The following FSTL3 variants were observed in gnomAD, a reference collection of about 807,000 sequenced individuals.
The protein encoded by FSTL3 is follistatin like 3, also known as follistatin-related protein 3.
In FSTL3, 21 loss-of-function variants were observed where a neutral mutation model predicts 28.1. The observed-to-expected ratio is 0.75, with a 90% CI of 0.53 to 1.08. FSTL3 has a LOEUF of 1.08. Among genes scored for constraint, FSTL3 ranks in the 50% least tolerant of loss-of-function variants. FSTL3 has a pLI of 0.00. For missense variants in FSTL3, 400 were observed against 380.9 expected (o/e 1.05, Z -0.42); for synonymous variants, 199 against 164.2 (o/e 1.21, Z -1.62).
chr19:676,988 G>T (rs1196783633), intron 1 of FSTL3, among the ~76,000 whole-genome samples: 1 of 152,150 alleles, frequency 6.6e-6, no homozygotes, highest in Non-Finnish European at 1.5e-5. Context: ...GGGGCATGGA[G>T]TCTCACACCT....
At chr19:679,738 G>A (rs926659173) in intron 2 of FSTL3, among the ~76,000 whole-genome samples, 5 of 152,140 alleles carry the variant, frequency 3.3e-5, no homozygotes, top group African/African-American at 1.2e-4. Context: ...AGAGGCCTAG[G>A]GCTGTGGGGG....
Position 680,471 on chromosome 19 carries a change from T to A in FSTL3, c.487T>A (p.Tyr163Asn). Residue 163 changes from tyrosine to asparagine, a missense_variant, in exon 3 of 5, where the codon TAC (tyrosine) becomes AAC (asparagine). Coordinates refer to ENST00000166139, the MANE Select transcript of FSTL3 (RefSeq NM_005860.3). The part of the protein sequence containing the change: ...CRGHPDLSVM[Y>N]RGRCRKSCEH... ...CGGCCACCCGGACCTGAGCGTCATG[T>A]ACCGGGGCCGCTGCCGCAGTACGTG... is the stretch of plus-strand genomic sequence containing the variant. The A allele has an allele frequency of 4.0e-6, 5 of 1,251,718 alleles. No individual in the cohort carries two copies. Among genetic ancestry groups the A allele is most frequent in the Non-Finnish European group, 5.0e-6 (5 of 998,466 alleles). The allele number at this position is 1,251,718 out of a possible 1,614,324, so 77.5% of individuals were successfully genotyped here.
At chr19:676,796 T>C (rs940876557) in intron 1 of FSTL3, among the ~76,000 whole-genome samples, 1 of 152,082 alleles carries the variant, frequency 6.6e-6, no homozygotes, top group Non-Finnish European at 1.5e-5. Context: ...GTGCCGGAGC[T>C]CTCTTCATCT....
Position 683,364 on chromosome 19 carries a change from C to T in FSTL3, c.*1656C>T. The T allele has an allele frequency of 5.8e-6, 1 of 171,728 alleles. No individual in the cohort carries two copies. Among genetic ancestry groups the T allele is most frequent in the Non-Finnish European group, 1.1e-5 (1 of 89,972 alleles). The allele number at this position is 171,728 out of a possible 1,614,324, so 10.6% of individuals were successfully genotyped here. A position where few individuals can be genotyped will look rare whatever the true frequency, so the allele number is the denominator to read the frequency against. ...CCCACCCCACCCTGGGGCCCTGCCT[C>T]ACCAAGGAAATAAAGACTCAAGCCA... On this transcript the variant is annotated 3_prime_UTR_variant, in exon 5 of 5. Coordinates refer to ENST00000166139, the MANE Select transcript of FSTL3 (RefSeq NM_005860.3).
In FSTL3 at chr19:680,475, G is replaced by A. The variant is rs906806787; in HGVS notation, c.491G>A (p.Arg164Gln). The A allele has an allele frequency of 5.6e-6, 7 of 1,250,678 alleles. No individual in the cohort carries two copies. The highest frequency in any genetic ancestry group is 6.1e-4 in the Middle Eastern group (2 of 3,276). The allele number at this position is 1,250,678 out of a possible 1,614,324, so 77.5% of individuals were successfully genotyped here. A position where few individuals can be genotyped will look rare whatever the true frequency, so the allele number is the denominator to read the frequency against. ...CACCCGGACCTGAGCGTCATGTACCGGGGCCGCTGCCGCAGTACGTGGGGG... is the reference window on the plus strand; with the variant it reads ...CACCCGGACCTGAGCGTCATGTACCAGGGCCGCTGCCGCAGTACGTGGGGG... ...RGHPDLSVMY[R>Q]GRCRKSCEHV... Residue 164 changes from arginine (R) to glutamine (Q), a missense_variant, in exon 3 of 5, where the codon CGG becomes CAG. Arg to Gln is a conservative substitution (Grantham distance 43). Coordinates refer to ENST00000166139, the MANE Select transcript of FSTL3 (RefSeq NM_005860.3).
intron 1 of FSTL3, among the ~76,000 whole-genome samples, chr19:677,580 G>C (rs115957431): frequency 0.011 from 1,631 of 151,874 alleles, 34 homozygotes; most frequent in African/African-American, 0.037. Flanking sequence ...GAGGCTGTGG[G>C]GGGGGGCACG....
chr19:678,055 A>G, intron 2 of FSTL3, 78 bp downstream of exon 2: 1 of 1,395,774 alleles, frequency 7.2e-7, no homozygotes, highest in Non-Finnish European at 9.9e-7. Flanking sequence ...TCGAGGGCCG[A>G]ACGTCCAGGG....
At chr19:680,006 C>CA (rs2031291109) in intron 2 of FSTL3, 3 of 208,622 alleles carry the variant, frequency 1.4e-5, no homozygotes, top group Admixed American at 5.9e-5. Context: ...CAGAGACCCC[C>CA]CCCCGCCCCG....
At chr19:680,009 C>CT (rs144178110) in intron 2 of FSTL3, 2,295 of 200,734 alleles carry the variant, frequency 0.011, 84 homozygotes, top group African/African-American at 0.052. Context: ...AGACCCCCCC[C>CT]CGCCCCGGCC....
chr19:680,012 C>CCCG (rs1291797460), intron 2 of FSTL3: 1 of 210,336 alleles, frequency 4.8e-6, no homozygotes, highest in Non-Finnish European at 9.2e-6. Context: ...CCCCCCCCCG[C>CCCG]CCCGGCCCGC....
Position 682,054 on chromosome 19 carries a change from G to A in FSTL3, c.*346G>A, listed in dbSNP as rs2031348093. 2 of 439,040 alleles carry A rather than the reference G, an allele frequency of 4.6e-6. No individual in the cohort carries two copies. Among genetic ancestry groups the A allele is most frequent in the South Asian group, 2.6e-5 (1 of 39,098 alleles). 27.2% of individuals were successfully genotyped at this position (439,040 alleles called of 1,614,324 possible). On this transcript the variant is annotated 3_prime_UTR_variant, in exon 5 of 5. Transcript: ENST00000166139. ...TATTAATTATTGCTACTATCAAGAG[G>A]GCTGGGCATTCTCTGCTGGTAATTC...
In FSTL3 at chr19:681,346, C is replaced by T. The variant is rs2084083136; in HGVS notation, c.519C>T (p.His173=). The part of the protein sequence containing the change: ...YRGRCRKSCE[H]VVCPRPQSCV... ...CCCGGCCTGCAGAGTCCTGTGAGCA[C>T]GTGGTGTGCCCGCGGCCACAGTCGT... The change falls in exon 4 of 5, where the codon CAC becomes CAT. Residue 173 remains histidine, a synonymous_variant. Coordinates refer to ENST00000166139, the MANE Select transcript of FSTL3 (RefSeq NM_005860.3). 3 of 1,574,318 alleles carry T rather than the reference C, an allele frequency of 1.9e-6. No individual in the cohort carries two copies. Among genetic ancestry groups the T allele is most frequent in the African/African-American group, 1.3e-5 (1 of 74,364 alleles).
intron 3 of FSTL3, 136 bp downstream of exon 3, chr19:680,625 G>A: frequency 2.0e-6 from 1 of 501,288 alleles, no homozygotes; most frequent in East Asian, 3.7e-5. Flanking sequence ...GACGTATCGG[G>A]GCTGCTACCG....
At chr19:681,611 C>T (rs1343407493) in intron 4 of FSTL3, 39 bp from the exon 5 acceptor site, 1 of 1,593,956 alleles carries the variant, frequency 6.3e-7, no homozygotes, top group Admixed American at 1.8e-5. Context: ...CGGAGAACCC[C>T]CTGCCCTGCG....
Position 681,795 on chromosome 19 carries a change from C to A in FSTL3, c.*87C>A. On this transcript the variant is annotated 3_prime_UTR_variant, in exon 5 of 5. Transcript: ENST00000166139. ...CCACAGCAGAGTCTAATTTATATGC[C>A]ACGGACACTCCTTAGAGCCCGGATT... is the stretch of plus-strand genomic sequence containing the variant. 3 of 1,155,198 alleles carry A rather than the reference C, an allele frequency of 2.6e-6. No individual in the cohort carries two copies. The highest frequency in any genetic ancestry group is 1.3e-5 in the South Asian group (1 of 75,830). The allele number at this position is 1,155,198 out of a possible 1,614,324, so 71.6% of individuals were successfully genotyped here.
chr19:680,443 CCG>C lies in FSTL3; in HGVS notation c.462_463del (p.Gly155ProfsTer17). 7.9e-7 allele frequency: 1 copy of C among 1,263,752 alleles called. No homozygotes were observed. The highest frequency in any genetic ancestry group is 2.9e-5 in the South Asian group (1 of 34,072). The allele number at this position is 1,263,752 out of a possible 1,614,324, so 78.3% of individuals were successfully genotyped here. On this transcript the variant is annotated frameshift_variant, in exon 3 of 5. Coordinates refer to ENST00000166139, the MANE Select transcript of FSTL3 (RefSeq NM_005860.3). LOFTEE classifies it high-confidence loss of function. Reference sequence around the variant, plus strand: ...AGTGCGAGCTGCGCGCCGCGCGCTGCCGCGGCCACCCGGACCTGAGCGTCATG... The same window carrying C: ...AGTGCGAGCTGCGCGCCGCGCGCTGCCGGCCACCCGGACCTGAGCGTCATG... ...DECELRAARCRGHPDLSVMYR... is the reference protein window; with the variant it reads ...DECELRAARCXGHPDLSVMYR...
At position 677,785 on chromosome 19, in the gene FSTL3, C is replaced by A. The variant is rs2031243673; in HGVS notation, c.104-7C>A. The A allele has an allele frequency of 1.2e-6, 2 of 1,603,278 alleles. No homozygotes were observed. Among genetic ancestry groups the A allele is most frequent in the African/African-American group, 2.7e-5 (2 of 74,966 alleles). ...CCCAGGAGAGCACCCCGTTCCCCGG[C>A]CCGCAGGTGGTGTTTGCTGGCTCCA... On this transcript the variant is annotated splice_polypyrimidine_tract_variant and splice_region_variant and intron_variant, in intron 1 of 4. Coordinates refer to ENST00000166139, the MANE Select transcript of FSTL3 (RefSeq NM_005860.3).
rs1241052532 is a variant in FSTL3 at position 680,474 on chromosome 19, C to T, written c.490C>T (p.Arg164Trp). The T allele has an allele frequency of 1.6e-6, 2 of 1,238,000 alleles. No individual in the cohort carries two copies. The highest frequency in any genetic ancestry group is 4.3e-5 in the Admixed American group (1 of 23,254). 76.7% of individuals were successfully genotyped at this position (1,238,000 alleles called of 1,614,324 possible). Residue 164 changes from arginine (R) to tryptophan (W), a missense_variant, in exon 3 of 5, where the codon CGG (arginine) becomes TGG (tryptophan). Transcript: ENST00000166139. ...CCACCCGGACCTGAGCGTCATGTACCGGGGCCGCTGCCGCAGTACGTGGGG... is the reference window on the plus strand; with the variant it reads ...CCACCCGGACCTGAGCGTCATGTACTGGGGCCGCTGCCGCAGTACGTGGGG... Reference protein sequence around the residue: ...RGHPDLSVMYRGRCRKSCEHV... With the variant: ...RGHPDLSVMYWGRCRKSCEHV...
At position 680,712 on chromosome 19, in the gene FSTL3, C is replaced by T. The variant is rs1404211198; in HGVS notation, c.505+223C>T. On this transcript the variant is annotated intron_variant, in intron 3 of 4. Coordinates refer to ENST00000166139, the MANE Select transcript of FSTL3 (RefSeq NM_005860.3). ...CCTGCTGGAGGGGCGGGGCCGCTGC[C>T]GCAGTGCGTAGGGGCGGGGCCTCCA... 5 of 365,874 alleles carry T rather than the reference C, an allele frequency of 1.4e-5. No homozygotes were observed. In the Admixed American group the frequency reaches 1.9e-4, roughly 14 times the overall value. 22.7% of individuals were successfully genotyped at this position (365,874 alleles called of 1,614,324 possible).
Sources: allele counts gnomAD v4.1 joint callset (sites outside exome capture counted in the v4.1 genomes callset), GRCh38; gene constraint gnomAD v4.1.1; transcripts MANE v1.5; gene names NCBI Gene and HGNC (gene_info 2026-07-23, HGNC 2026-07-21).